The following RUNX2 variants were observed in gnomAD, a reference collection of about 807,000 sequenced individuals.
RUNX2 encodes the protein runt-related transcription factor 2.
A neutral mutation model predicts 51.7 loss-of-function variants in RUNX2; 10 were observed. That is an observed-to-expected ratio of 0.19 (90% CI 0.12 to 0.33). The LOEUF (loss-of-function observed/expected upper bound fraction) is 0.33. Ranked by LOEUF, RUNX2 falls within the 10% of genes least tolerant of loss-of-function variation. RUNX2 has a pLI of 1.00. For synonymous variants in RUNX2, 276 were observed against 273.6 expected, an observed-to-expected ratio of 1.01 and a Z score of -0.09; for missense variants, 562 against 691.3, an observed-to-expected ratio of 0.81 and a Z score of 2.10.
intron 6 of RUNX2, among the ~76,000 whole-genome samples, chr6:45,493,789 T>C (rs1434027828): frequency 1.3e-5 from 2 of 151,932 alleles, no homozygotes; most frequent in Non-Finnish European, 2.9e-5. Context: ...TATACACACA[T>C]ATATATGTGT....
At chr6:45,400,189 G>A (rs149457722) in intron 2 of RUNX2, among the ~76,000 whole-genome samples, 4 of 141,356 alleles carry the variant, frequency 2.8e-5, no homozygotes, top group Non-Finnish European at 4.6e-5. Context: ...GAGGGAATGA[G>A]GGAAGGAAGG....
intron 7 of RUNX2, among the ~76,000 whole-genome samples, chr6:45,524,378 A>G (rs1207237483): frequency 6.6e-6 from 1 of 152,222 alleles, no homozygotes; most frequent in Non-Finnish European, 1.5e-5. Flanking sequence ...CTGTGACCTT[A>G]AGTGATCAAC....
At chr6:45,352,907 C>T (rs1792361516) in intron 2 of RUNX2, among the ~76,000 whole-genome samples, 1 of 151,860 alleles carries the variant, frequency 6.6e-6, no homozygotes, top group Non-Finnish European at 1.5e-5. Flanking sequence ...CTATGACTAC[C>T]ATTCAAAATT....
chr6:45,390,465 T>G (rs919316290), intron 2 of RUNX2, among the ~76,000 whole-genome samples: 2 of 152,246 alleles, frequency 1.3e-5, no homozygotes, highest in Non-Finnish European at 2.9e-5. Flanking sequence ...AAGGATCGTT[T>G]GCTTTATGAA....
At chr6:45,422,414 CCCG>C in intron 2 of RUNX2, 176 bp from the exon 3 acceptor site, 1 of 632,964 alleles carries the variant, frequency 1.6e-6, no homozygotes, top group Non-Finnish European at 2.9e-6. Context: ...TCAGACTCCG[CCCG>C]GCAGTCGGCC....
At chr6:45,329,754 A>G (rs759342702) in intron 2 of RUNX2, among the ~76,000 whole-genome samples, 8 of 151,968 alleles carry the variant, frequency 5.3e-5, no homozygotes, top group Non-Finnish European at 1.0e-4. Flanking sequence ...ATTTCAAGTT[A>G]CTGTTGATAC....
intron 7 of RUNX2, among the ~76,000 whole-genome samples, chr6:45,537,203 G>T (rs1422457041): frequency 2.0e-5 from 3 of 152,188 alleles, no homozygotes; most frequent in Non-Finnish European, 4.4e-5. Context: ...CTGGGGCTGG[G>T]TCAAGCATGG....
intron 5 of RUNX2, among the ~76,000 whole-genome samples, chr6:45,438,369 C>T (rs1798749445): frequency 6.6e-6 from 1 of 151,984 alleles, no homozygotes; most frequent in Non-Finnish European, 1.5e-5. Flanking sequence ...CAGAATAGAC[C>T]CATGAGAGCT....
chr6:45,355,583 A>T (rs564647177), intron 2 of RUNX2, among the ~76,000 whole-genome samples: 6 of 152,264 alleles, frequency 3.9e-5, no homozygotes, highest in African/African-American at 1.4e-4. Context: ...ACTCAGATGT[A>T]GCATTATTTT....
chr6:45,356,647 T>C (rs1793249942), intron 2 of RUNX2, among the ~76,000 whole-genome samples: 1 of 152,062 alleles, frequency 6.6e-6, no homozygotes, highest in South Asian at 2.1e-4. Context: ...TCAAGTGATC[T>C]GCCCACCTCA....
intron 6 of RUNX2, among the ~76,000 whole-genome samples, chr6:45,502,162 C>T (rs1001563201): frequency 6.6e-6 from 1 of 152,030 alleles, no homozygotes; most frequent in Admixed American, 6.5e-5. Flanking sequence ...TACATTTTTG[C>T]CATGTTGTGG....
intron 2 of RUNX2, among the ~76,000 whole-genome samples, chr6:45,373,465 A>G (rs1796362973): frequency 6.7e-6 from 1 of 149,950 alleles, no homozygotes; most frequent in Admixed American, 6.6e-5. Context: ...CTCCCTTAGC[A>G]GTAGTATGGG....
intron 5 of RUNX2, among the ~76,000 whole-genome samples, chr6:45,477,050 C>T (rs996609872): frequency 2.0e-5 from 3 of 152,148 alleles, no homozygotes; most frequent in African/African-American, 7.2e-5. Flanking sequence ...CTTTGTGTCC[C>T]TTGCCTGGAC....
chr6:45,533,642 G>A (rs1366630056), intron 7 of RUNX2, among the ~76,000 whole-genome samples: 1 of 152,116 alleles, frequency 6.6e-6, no homozygotes, highest in African/African-American at 2.4e-5. Context: ...TACATAAGGA[G>A]CATTGTCTCA....
At chr6:45,458,368 G>A (rs1420324742) in intron 5 of RUNX2, among the ~76,000 whole-genome samples, 4 of 151,218 alleles carry the variant, frequency 2.6e-5, no homozygotes, top group African/African-American at 7.4e-5. Flanking sequence ...CAACTTTTAG[G>A]CAATGAAGAG....
At chr6:45,368,225 T>G (rs1039182652) in intron 2 of RUNX2, among the ~76,000 whole-genome samples, 1 of 152,166 alleles carries the variant, frequency 6.6e-6, no homozygotes, top group Non-Finnish European at 1.5e-5. Context: ...GATTGGGACC[T>G]AGATTATTTC....
chr6:45,374,643 C>G (rs922170259), intron 2 of RUNX2, among the ~76,000 whole-genome samples: 1 of 151,686 alleles, frequency 6.6e-6, no homozygotes, highest in African/African-American at 2.4e-5. Context: ...ACGGATTTCA[C>G]TATTCAACCT....
intron 6 of RUNX2, among the ~76,000 whole-genome samples, chr6:45,509,010 A>G (rs1398274890): frequency 1.3e-5 from 2 of 152,196 alleles, no homozygotes; most frequent in Non-Finnish European, 2.9e-5. Flanking sequence ...TACCCTAGAT[A>G]GCATAGAGTC....
chr6:45,535,007 C>T (rs751932772), intron 7 of RUNX2, among the ~76,000 whole-genome samples: 4 of 152,038 alleles, frequency 2.6e-5, no homozygotes, highest in Admixed American at 6.5e-5. Flanking sequence ...AACCAAATAC[C>T]GCTGCATGTT....
Sources: gnomAD v4.1 joint callset for allele counts (sites outside exome capture counted in the v4.1 genomes callset) on GRCh38, gnomAD v4.1.1 for gene constraint, MANE v1.5 for transcripts, NCBI Gene and HGNC (gene_info 2026-07-23, HGNC 2026-07-21) for gene names.